The following FOXP2 variants were observed in gnomAD, a reference collection of about 807,000 sequenced individuals.
FOXP2 encodes the protein forkhead box protein P2.
In FOXP2, 12 loss-of-function variants were observed where a neutral mutation model predicts 115.8. The ratio of observed to expected loss-of-function variants is 0.10; its 90% CI spans 0.07 to 0.17. The LOEUF is 0.17. Among genes scored for constraint, FOXP2 ranks in the 10% least tolerant of loss-of-function variants. FOXP2 has a pLI of 1.00. For missense variants in FOXP2, 629 were observed against 843.5 expected (o/e 0.75, Z 3.15); for synonymous variants, 328 against 297.7 (o/e 1.10, Z -1.05).
intron 3 of FOXP2, among the ~76,000 whole-genome samples, chr7:114,623,134 C>G (rs543573326): frequency 7.9e-5 from 12 of 151,948 alleles, no homozygotes; most frequent in African/African-American, 2.6e-4. Flanking sequence ...TGTTTGTATT[C>G]TGCTTTTATC....
chr7:114,270,908 A>G (rs1180839578), intron 1 of FOXP2, among the ~76,000 whole-genome samples: 2 of 151,748 alleles, frequency 1.3e-5, no homozygotes, highest in African/African-American at 4.8e-5. Flanking sequence ...TAGGATTTCT[A>G]TATTATTTTC....
At chr7:114,566,689 A>T (rs542790091) in intron 3 of FOXP2, among the ~76,000 whole-genome samples, 1 of 152,240 alleles carries the variant, frequency 6.6e-6, no homozygotes, top group African/African-American at 2.4e-5. Context: ...CCTTTACAGC[A>T]ACATAAATGT....
At chr7:114,601,976 G>A (rs1019629653) in intron 3 of FOXP2, among the ~76,000 whole-genome samples, 2 of 151,982 alleles carry the variant, frequency 1.3e-5, no homozygotes, top group Admixed American at 6.6e-5. Context: ...TATGCATAGA[G>A]ATATATGTGT....
rs1804710811 is a variant in FOXP2 at position 114,628,411 on chromosome 7, A to C, written c.259-129A>C. ...ACTATTGTAAAGAAGTTATAGTAAAATGTGACGTAAAAATTATTGATCATC... is the reference window on the plus strand; with the variant it reads ...ACTATTGTAAAGAAGTTATAGTAAACTGTGACGTAAAAATTATTGATCATC... On this transcript the variant is annotated intron_variant, in intron 3 of 16. Coordinates refer to ENST00000350908, the MANE Select transcript of FOXP2 (RefSeq NM_014491.4). The C allele has an allele frequency of 3.2e-6, 4 of 1,245,438 alleles. No homozygotes were observed. The South Asian group carries it at 4.9e-5, about 15-fold the overall frequency. The allele number at this position is 1,245,438 out of a possible 1,614,324, so 77.1% of individuals were successfully genotyped here.
chr7:114,130,490 AAG>A (rs1791843158), intron 1 of FOXP2, among the ~76,000 whole-genome samples: 1 of 152,216 alleles, frequency 6.6e-6, no homozygotes. Flanking sequence ...AATTAGGAAA[AAG>A]AAAGTTTCTA....
chr7:114,408,955 G>T (rs900780137), intron 2 of FOXP2, among the ~76,000 whole-genome samples: 1 of 151,872 alleles, frequency 6.6e-6, no homozygotes, highest in Non-Finnish European at 1.5e-5. Context: ...CTCTTTTGCT[G>T]TAATTCTATA....
intron 1 of FOXP2, among the ~76,000 whole-genome samples, chr7:114,166,168 T>C (rs905072972): frequency 6.6e-6 from 1 of 152,034 alleles, no homozygotes; most frequent in Admixed American, 6.6e-5. Flanking sequence ...GAAGATAACA[T>C]AGAAGAAAAT....
chr7:114,374,882 T>C (rs553447019), intron 2 of FOXP2, among the ~76,000 whole-genome samples: 5 of 152,248 alleles, frequency 3.3e-5, no homozygotes, highest in Admixed American at 3.3e-4. Flanking sequence ...GCAAGTGCTG[T>C]AGAAGTTCAT....
chr7:114,617,693 T>C (rs1804024577), intron 3 of FOXP2, among the ~76,000 whole-genome samples: 1 of 152,168 alleles, frequency 6.6e-6, no homozygotes, highest in African/African-American at 2.4e-5. Flanking sequence ...TTCCGGAGGC[T>C]AAGGCTGGAA....
intron 3 of FOXP2, among the ~76,000 whole-genome samples, chr7:114,573,434 A>G (rs1019330112): frequency 2.0e-5 from 3 of 151,792 alleles, no homozygotes; most frequent in Non-Finnish European, 4.4e-5. Flanking sequence ...AGTCTGGAAC[A>G]CCGTAAGAGT....
At chr7:114,175,858 C>T (rs1562992545) in intron 1 of FOXP2, among the ~76,000 whole-genome samples, 2 of 152,106 alleles carry the variant, frequency 1.3e-5, no homozygotes, top group South Asian at 4.1e-4. Flanking sequence ...TCTAAACATA[C>T]AGAAAATGAA....
intron 1 of FOXP2, among the ~76,000 whole-genome samples, chr7:114,111,206 C>T (rs572818393): frequency 9.2e-5 from 14 of 152,222 alleles, no homozygotes; most frequent in African/African-American, 3.1e-4. Context: ...TTGCTTTGGC[C>T]GGTGCGACAT....
At chr7:114,489,365 G>T (rs1796930998) in intron 2 of FOXP2, among the ~76,000 whole-genome samples, 1 of 151,986 alleles carries the variant, frequency 6.6e-6, no homozygotes, top group Admixed American at 6.6e-5. Context: ...ATAAGGATTT[G>T]GTTACAGCTT....
At position 114,585,168 on chromosome 7, in the gene FOXP2, A is replaced by G. The variant is rs531347498; in HGVS notation, c.259-43372A>G. Among the ~76,000 whole-genome samples, 9 of 152,344 alleles carry G rather than the reference A, an allele frequency of 5.9e-5. No individual in the cohort carries two copies. In the East Asian group the frequency reaches 1.4e-3, roughly 23 times the overall value. ...TCTGAAGTATGTAAAGATTTTTGGA[A>G]ATAGTGAGACATTAAGGAATGGATA... On this transcript the variant is annotated intron_variant, in intron 3 of 16. Coordinates refer to ENST00000350908, the MANE Select transcript of FOXP2 (RefSeq NM_014491.4).
chr7:114,219,242 T>C (rs1490749602), intron 1 of FOXP2, among the ~76,000 whole-genome samples: 1 of 152,076 alleles, frequency 6.6e-6, no homozygotes, highest in Non-Finnish European at 1.5e-5. Context: ...ATTTAAACCA[T>C]TTCAGTGATA....
chr7:114,336,640 A>G (rs1797859612), intron 2 of FOXP2, among the ~76,000 whole-genome samples: 1 of 151,568 alleles, frequency 6.6e-6, no homozygotes, highest in Non-Finnish European at 1.5e-5. Context: ...AGTTTGCATA[A>G]TACTTTTCAC....
intron 2 of FOXP2, among the ~76,000 whole-genome samples, chr7:114,531,356 G>A (rs528160678): frequency 6.6e-6 from 1 of 151,816 alleles, no homozygotes; most frequent in Non-Finnish European, 1.5e-5. Context: ...TTATATTGAT[G>A]GAAGTGTTTT....
rs112240466 is a variant in FOXP2, at chr7:114,379,865, G to A, written c.-10-46637G>A. ...TGCCTAAGTGGAAGGTTTGATGAAG[G>A]GTTTTAAGTAATTTTTATTGGTTAG... On this transcript the variant is annotated intron_variant, in intron 2 of 17. Transcript: ENST00000634411. Among the ~76,000 whole-genome samples, 691 of 152,072 alleles carry A rather than the reference G, an allele frequency of 4.5e-3. 2 individuals are homozygous for A. Among genetic ancestry groups the A allele is most frequent in the South Asian group, 0.015 (74 of 4,808 alleles).
intron 2 of FOXP2, among the ~76,000 whole-genome samples, chr7:114,310,160 G>A (rs994558514): frequency 1.1e-4 from 17 of 152,330 alleles, no homozygotes; most frequent in African/African-American, 4.1e-4. Context: ...TGAAGTTTCA[G>A]CTTAGCCAGA....
Sources: allele counts gnomAD v4.1 joint callset (sites outside exome capture counted in the v4.1 genomes callset), GRCh38; gene constraint gnomAD v4.1.1; transcripts MANE v1.5; gene names NCBI Gene and HGNC (gene_info 2026-07-23, HGNC 2026-07-21).